The following ADAM12 variants were observed in gnomAD, a reference collection of about 807,000 sequenced individuals.
The protein encoded by ADAM12 is ADAM metallopeptidase domain 12, also known as disintegrin and metalloproteinase domain-containing protein 12.
A neutral mutation model predicts 106.4 loss-of-function variants in ADAM12; 70 were observed. The ratio of observed to expected loss-of-function variants is 0.66; its 90% confidence interval spans 0.54 to 0.80. ADAM12 has a LOEUF of 0.80. Ranked by LOEUF, ADAM12 falls within the 30% of genes least tolerant of loss-of-function variation. The pLI, the probability that ADAM12 is intolerant of heterozygous loss-of-function variation, is 0.00. For missense variants in ADAM12, 1,010 were observed against 1,171.9 expected (o/e 0.86, Z 2.02); for synonymous variants, 420 against 433.5 (o/e 0.97, Z 0.39).
At chr10:126,042,989 C>T (rs748573380) in intron 18 of ADAM12, 51 bp downstream of exon 18, 24 of 1,566,842 alleles carry the variant, frequency 1.5e-5, no homozygotes, top group Admixed American at 3.6e-5. Flanking sequence ...CGAGCCCACC[C>T]GCCCCCAGGT....
At chr10:126,069,892 G>A (rs1231741126) in intron 12 of ADAM12, among the ~76,000 whole-genome samples, 1 of 152,136 alleles carries the variant, frequency 6.6e-6, no homozygotes, top group Non-Finnish European at 1.5e-5. Flanking sequence ...AATGGTGGTC[G>A]TGATTGTAGC....
chr10:126,326,954 G>A lies in ADAM12; in HGVS notation c.186+3458C>T, dbSNP rs533278156. On this transcript the variant is annotated intron_variant, in intron 2 of 22. Transcript: ENST00000448723. ...CATGGCAGGCACATAATCCAGATTT[G>A]GGAATGAGTCACTGAACCCCCAGGA... is the stretch of plus-strand genomic sequence containing the variant. 1.0e-3 allele frequency among the ~76,000 whole-genome samples: 153 copies of A among 152,248 alleles called. 1 individual carries two copies. The highest frequency in any genetic ancestry group is 3.5e-3 in the African/African-American group (145 of 41,554).
intron 2 of ADAM12, among the ~76,000 whole-genome samples, chr10:126,316,119 T>G (rs1853858368): frequency 6.6e-6 from 1 of 152,230 alleles, no homozygotes; most frequent in Non-Finnish European, 1.5e-5. Flanking sequence ...TGATGGGCTC[T>G]TAACTCTTCC....
At chr10:126,266,933 C>T (rs1296214591) in intron 3 of ADAM12, among the ~76,000 whole-genome samples, 1 of 152,204 alleles carries the variant, frequency 6.6e-6, no homozygotes, top group African/African-American at 2.4e-5. Flanking sequence ...CACCAGGCTC[C>T]ACCTCCAACA....
In ADAM12 at chr10:126,098,486, T is replaced by C; in HGVS notation, c.926A>G (p.Gln309Arg). 1 of 1,613,962 alleles carries C rather than the reference T, an allele frequency of 6.2e-7. No homozygotes were observed. Among genetic ancestry groups the C allele is most frequent in the Non-Finnish European group, 8.5e-7 (1 of 1,179,860 alleles). The change falls in exon 10 of 23, where the codon CAA (glutamine) becomes CGA (arginine). Residue 309 changes from glutamine (Q) to arginine (R), a missense_variant. This residue lies in a region of ADAM12 where 391 missense variants were observed against 442.9 expected (regional missense o/e 0.88). Transcript: ENST00000448723. ...NAQLVSGVYF[Q>R]GTTIGMAPIM... ...TGGGGCCATGCCGATGGTGGTCCCTTGGAAATAAACCCCACTAGGAAATAA... is the reference window on the plus strand; with the variant it reads ...TGGGGCCATGCCGATGGTGGTCCCTCGGAAATAAACCCCACTAGGAAATAA...
rs75316572 is a variant in ADAM12, at chr10:126,278,963, C to A, written c.212G>T (p.Arg71Leu). ...SKNHPEVLNI[R>L]LQRESKELII... Reference sequence around the variant, plus strand: ...CAGTTCTTTGCTTTCCCGTTGTAGTCGAATATTCAGCACTTCTGGATGATT... The same window carrying A: ...CAGTTCTTTGCTTTCCCGTTGTAGTAGAATATTCAGCACTTCTGGATGATT... The change falls in exon 3 of 23, where the codon CGA (arginine) becomes CTA (leucine). Residue 71 changes from arginine (R) to leucine (L), a missense_variant. Coordinates refer to ENST00000448723, the MANE Select transcript of ADAM12 (RefSeq NM_001288973.2). 5 of 1,612,898 alleles carry A rather than the reference C, an allele frequency of 3.1e-6. No individual in the cohort carries two copies. The highest frequency in any genetic ancestry group is 1.3e-5 in the African/African-American group (1 of 74,854).
intron 21 of ADAM12, among the ~76,000 whole-genome samples, chr10:126,031,668 C>G (rs907134018): frequency 5.3e-5 from 8 of 152,132 alleles, no homozygotes; most frequent in Middle Eastern, 3.2e-3. Flanking sequence ...AACAAAGTAG[C>G]CTTTTCTTAG....
intron 3 of ADAM12, among the ~76,000 whole-genome samples, chr10:126,205,592 C>T (rs1210629386): frequency 6.6e-6 from 1 of 152,232 alleles, no homozygotes; most frequent in Non-Finnish European, 1.5e-5. Context: ...GAATATCCTT[C>T]TGAAAGGGAC....
intron 3 of ADAM12, among the ~76,000 whole-genome samples, chr10:126,194,765 T>C (rs1957566399): frequency 6.6e-6 from 1 of 152,200 alleles, no homozygotes; most frequent in African/African-American, 2.4e-5. Context: ...TGGTTCTGGG[T>C]CTGCAGTGAA....
At chr10:126,102,711 G>A (rs1211873194) in intron 8 of ADAM12, among the ~76,000 whole-genome samples, 1 of 152,166 alleles carries the variant, frequency 6.6e-6, no homozygotes, top group African/African-American at 2.4e-5. Flanking sequence ...ATGAGTTAAC[G>A]AGACGATTAC....
chr10:126,345,634 C>G (rs1443905690), intron 1 of ADAM12, among the ~76,000 whole-genome samples: 1 of 152,208 alleles, frequency 6.6e-6, no homozygotes, highest in Non-Finnish European at 1.5e-5. Context: ...TAGAATTCGG[C>G]TGCGAATCCG....
intron 18 of ADAM12, chr10:126,042,367 A>G (rs1565005355): frequency 8.2e-7 from 1 of 1,217,396 alleles, no homozygotes; most frequent in Admixed American, 2.4e-5. Flanking sequence ...GTTCAAGCAC[A>G]GCTGCTACTA....
chr10:126,316,783 C>CAAAAAAAAAAAAAAAAAA (rs376131530), intron 2 of ADAM12, among the ~76,000 whole-genome samples: 1 of 82,770 alleles, frequency 1.2e-5, no homozygotes, highest in Non-Finnish European at 2.5e-5. Flanking sequence ...GACCCTATCT[C>CAAAAAAAAAAAAAAAAAA]AAAAAAAAAA....
At chr10:126,165,619 CTATT>C (rs1957011007) in intron 3 of ADAM12, among the ~76,000 whole-genome samples, 1 of 152,196 alleles carries the variant, frequency 6.6e-6, no homozygotes, top group African/African-American at 2.4e-5. Context: ...AAACTTGACT[CTATT>C]TAGCTCCAAA....
chr10:126,160,713 T>A (rs1201922210), intron 3 of ADAM12, among the ~76,000 whole-genome samples: 1 of 152,188 alleles, frequency 6.6e-6, no homozygotes, highest in Non-Finnish European at 1.5e-5. Context: ...TAGTGTCTTC[T>A]TGTTGGCCCT....
chr10:126,352,671 C>T (rs1855403480), intron 1 of ADAM12, among the ~76,000 whole-genome samples: 1 of 152,084 alleles, frequency 6.6e-6, no homozygotes, highest in Non-Finnish European at 1.5e-5. Context: ...GTGTTTCCTG[C>T]ATCTGTCACC....
intron 21 of ADAM12, among the ~76,000 whole-genome samples, chr10:126,033,252 A>AT (rs898746282): frequency 1.8e-4 from 27 of 151,946 alleles, no homozygotes; most frequent in South Asian, 4.2e-4. Context: ...GTAAATCAGA[A>AT]TTTTTTTTTA....
intron 6 of ADAM12, among the ~76,000 whole-genome samples, chr10:126,114,977 C>G (rs943483415): frequency 1.3e-5 from 2 of 152,164 alleles, no homozygotes; most frequent in African/African-American, 4.8e-5. Context: ...TACAAATACC[C>G]CACCACTACT....
At position 126,198,791 on chromosome 10, in the gene ADAM12, C is replaced by T. The variant is rs903517501; in HGVS notation, c.261-43486G>A. Among the ~76,000 whole-genome samples, 5 of 152,332 alleles carry T rather than the reference C, an allele frequency of 3.3e-5. No homozygotes were observed. In the South Asian group the frequency reaches 8.3e-4, roughly 25 times the overall value. ...CCATTTTATTTTTCTTTAAACCCCA[C>T]CAAATTTCATGTGTATTTATGAATA... On this transcript the variant is annotated intron_variant, in intron 3 of 22. Coordinates refer to ENST00000448723, the MANE Select transcript of ADAM12 (RefSeq NM_001288973.2).
Sources: gnomAD v4.1 joint callset for allele counts (sites outside exome capture counted in the v4.1 genomes callset) on GRCh38, gnomAD v4.1.1 for gene constraint, gnomAD v4.1.1 regional missense constraint, MANE v1.5 for transcripts, NCBI Gene and HGNC (gene_info 2026-07-23, HGNC 2026-07-21) for gene names.